Variants in FRK observed in about 807,000 individuals in gnomAD.
FRK encodes the protein tyrosine-protein kinase FRK.
A neutral mutation model predicts 56.4 loss-of-function variants in FRK; 51 were observed. That is an observed-to-expected ratio of 0.90 (90% confidence interval 0.72 to 1.14). The LOEUF is 1.14. Among genes scored for constraint, FRK ranks in the 50% most tolerant of loss-of-function variants. The pLI is 0.00. For synonymous variants in FRK, 245 were observed against 217.9 expected (o/e 1.12, Z -1.10); for missense variants, 570 against 601.4 (o/e 0.95, Z 0.55).
chr6:115,942,331 C>A lies in FRK; in HGVS notation c.*83G>T. On this transcript the variant is annotated 3_prime_UTR_variant, in exon 8 of 8. Transcript: ENST00000606080. ...AATATGTCAGGATAAACTGATTGTG[C>A]AGTTGGTTGATAACATTGTATTTTG... 9.2e-7 allele frequency: 1 copy of A among 1,090,698 alleles called. No individual in the cohort carries two copies. The highest frequency in any genetic ancestry group is 1.4e-6 in the Non-Finnish European group (1 of 726,470). 67.6% of individuals were successfully genotyped at this position (1,090,698 alleles called of 1,614,324 possible).
intron 1 of FRK, among the ~76,000 whole-genome samples, chr6:116,026,574 G>GGAAA (rs999256882): frequency 2.3e-5 from 3 of 129,468 alleles, no homozygotes; most frequent in South Asian, 2.4e-4. Context: ...AAGGAAGGAA[G>GGAAA]GAAAGACACG....
At chr6:116,039,086 A>G in intron 1 of FRK, 1 of 780,164 alleles carries the variant, frequency 1.3e-6, no homozygotes, top group Non-Finnish European at 2.4e-6. Context: ...GATTGGGCAG[A>G]AAGTGGCCCA....
intron 2 of FRK, chr6:116,002,680 C>G: frequency 2.2e-6 from 1 of 455,550 alleles, no homozygotes; most frequent in South Asian, 1.6e-5. Flanking sequence ...CTAGCATACT[C>G]TAACCTCTTA....
chr6:116,036,431 G>A (rs1314657219), intron 1 of FRK, among the ~76,000 whole-genome samples: 3 of 152,084 alleles, frequency 2.0e-5, no homozygotes, highest in African/African-American at 7.2e-5. Context: ...ACAAAAGTTG[G>A]TAAAATATAA....
At chr6:116,098,424 T>C in the FRK span, among the ~76,000 whole-genome samples, 1 of 152,270 alleles carries the variant, frequency 6.6e-6, no homozygotes, top group Admixed American at 6.5e-5. Flanking sequence ...AGCCGTGGTT[T>C]TGTGGCTCCT....
At position 115,931,657 on chromosome 6, in the gene FRK, T is replaced by C. The variant is rs1771960776; in HGVS notation, c.*10757A>G. On this transcript the variant is annotated 3_prime_UTR_variant, in exon 8 of 8. Coordinates refer to ENST00000606080, the MANE Select transcript of FRK (RefSeq NM_002031.3). ...GATTTTGAAAATTGATTAAAAGCTA[T>C]GATATATTTCTACTCTGAAATTTTG... 6.6e-6 allele frequency: 1 copy of C among 152,206 alleles called. No individual in the cohort carries two copies. The highest frequency in any genetic ancestry group is 6.5e-5 in the Admixed American group (1 of 15,288). 9.4% of individuals were successfully genotyped at this position (152,206 alleles called of 1,614,324 possible).
intron 1 of FRK, among the ~76,000 whole-genome samples, chr6:116,029,341 T>C (rs1410599182): frequency 1.3e-5 from 2 of 152,164 alleles, no homozygotes; most frequent in African/African-American, 4.8e-5. Context: ...TTGTCTGTTT[T>C]GTACACTGCT....
intron 1 of FRK, among the ~76,000 whole-genome samples, chr6:116,038,598 G>T (rs1468169053): frequency 6.6e-6 from 1 of 152,218 alleles, no homozygotes; most frequent in Non-Finnish European, 1.5e-5. Context: ...CTTTTCAAGA[G>T]AAATGAACCT....
chr6:116,066,074 T>C, the FRK span, among the ~76,000 whole-genome samples: 2 of 152,170 alleles, frequency 1.3e-5, no homozygotes, highest in Non-Finnish European at 2.9e-5. Context: ...CTTGATTGGA[T>C]TGAAGGATGC....
chr6:116,092,165 A>C, the FRK span, among the ~76,000 whole-genome samples: 2 of 152,214 alleles, frequency 1.3e-5, no homozygotes, highest in Non-Finnish European at 2.9e-5. Context: ...AATCAGAGGC[A>C]TAATTTTTGC....
In FRK at chr6:115,935,508, TC is replaced by T. The variant is rs1296288290; in HGVS notation, c.*6905del. ...ATGCCAGCAAGGCAGAACCATTCAC[TC>T]CCCTGGAAGGGGGGCTGAAGCCAGG... On this transcript the variant is annotated 3_prime_UTR_variant, in exon 8 of 8. Coordinates refer to ENST00000606080, the MANE Select transcript of FRK (RefSeq NM_002031.3). 6.6e-6 allele frequency: 1 copy of T among 152,608 alleles called. No individual in the cohort carries two copies. The highest frequency in any genetic ancestry group is 1.5e-5 in the Non-Finnish European group (1 of 68,422). 9.5% of individuals were successfully genotyped at this position (152,608 alleles called of 1,614,324 possible).
chr6:116,094,340 G>C, the FRK span, among the ~76,000 whole-genome samples: 3 of 152,202 alleles, frequency 2.0e-5, no homozygotes, highest in Admixed American at 2.0e-4. Context: ...TAACCATTAA[G>C]GGCCAGAAAA....
At chr6:115,978,966 T>C (rs1260868999) in intron 2 of FRK, among the ~76,000 whole-genome samples, 1 of 151,070 alleles carries the variant, frequency 6.6e-6, no homozygotes, top group Non-Finnish European at 1.5e-5. Flanking sequence ...AGTGGAAGGA[T>C]CATCTGAGCC....
chr6:116,016,540 G>T (rs1775660971), intron 1 of FRK, among the ~76,000 whole-genome samples: 1 of 152,012 alleles, frequency 6.6e-6, no homozygotes, highest in African/African-American at 2.4e-5. Flanking sequence ...TGAATGAGTG[G>T]ATGGATGTGT....
At chr6:115,968,452 A>T in intron 3 of FRK, 124 bp downstream of exon 3, 1 of 1,040,784 alleles carries the variant, frequency 9.6e-7, no homozygotes, top group Non-Finnish European at 1.4e-6. Flanking sequence ...TGGTTTGCCT[A>T]TACCCGCCTG....
In FRK at chr6:115,994,985, C is replaced by T. The variant is rs953568058; in HGVS notation, c.466+8892G>A. Among the ~76,000 whole-genome samples the T allele has an allele frequency of 1.4e-4, 22 of 152,268 alleles. 1 individual carries two copies. The highest frequency in any genetic ancestry group is 9.8e-4 in the Admixed American group (15 of 15,272). ...AAGCTGCCTGGTTTTCCACTAACTG[C>T]ACATCTTGCCTCTCTAAAACAGGGG... On this transcript the variant is annotated intron_variant, in intron 2 of 7. Transcript: ENST00000606080.
intron 2 of FRK, among the ~76,000 whole-genome samples, chr6:115,975,952 C>A (rs1257029884): frequency 9.9e-5 from 15 of 152,094 alleles, no homozygotes; most frequent in Non-Finnish European, 1.5e-5. Flanking sequence ...AGTTATTCTG[C>A]ACGTTAACTT....
chr6:115,959,672 G>C (rs1009966805), intron 4 of FRK, among the ~76,000 whole-genome samples: 1 of 152,252 alleles, frequency 6.6e-6, no homozygotes, highest in Middle Eastern at 3.4e-3. Flanking sequence ...CAGCCCCATG[G>C]AGGCTAACAT....
intron 1 of FRK, among the ~76,000 whole-genome samples, chr6:116,045,523 C>A (rs1582752771): frequency 6.6e-6 from 1 of 152,174 alleles, no homozygotes; most frequent in Non-Finnish European, 1.5e-5. Flanking sequence ...GGAAAACTGG[C>A]TAGCCATATG....
Sources: gnomAD v4.1 joint callset for allele counts (sites outside exome capture counted in the v4.1 genomes callset) on GRCh38, gnomAD v4.1.1 for gene constraint, MANE v1.5 for transcripts, NCBI Gene and HGNC (gene_info 2026-07-23, HGNC 2026-07-21) for gene names.